CDIP1: variants seen among roughly 807,000 people sequenced by gnomAD.
The protein encoded by CDIP1 is cell death-inducing p53-target protein 1.
Under a neutral mutation model 17.7 loss-of-function variants are expected in CDIP1, and 9 were observed. The ratio of observed to expected loss-of-function variants is 0.51; its 90% confidence interval spans 0.31 to 0.89. The LOEUF (loss-of-function observed/expected upper bound fraction) is 0.89. Ranked by LOEUF, CDIP1 falls within the 40% of genes least tolerant of loss-of-function variation. CDIP1 has a pLI of 0.05. For missense variants in CDIP1, 263 were observed against 277.9 expected (o/e 0.95, Z 0.38); for synonymous variants, 117 against 109.5 (o/e 1.07, Z -0.43).
chr16:4,524,946 A>C (rs1392012186), intron 1 of CDIP1, among the ~76,000 whole-genome samples: 5 of 152,136 alleles, frequency 3.3e-5, no homozygotes, highest in Non-Finnish European at 7.4e-5. Flanking sequence ...CTACAAAAAA[A>C]TAAAATTAGC....
chr16:4,513,964 G>A lies in CDIP1; in HGVS notation c.85+82C>T. On this transcript the variant is annotated intron_variant, in intron 3 of 5. Transcript: ENST00000567695. The surrounding 1 kb of genome is among the most constrained non-coding windows in gnomAD (Gnocchi z 4.1). Reference sequence around the variant, plus strand: ...GGGGCCCAGGGGTAACCCTGGAGTGGGCATCACCACTTAGAGAGTCCCAAC... The same window carrying A: ...GGGGCCCAGGGGTAACCCTGGAGTGAGCATCACCACTTAGAGAGTCCCAAC... 1 of 1,343,028 alleles carries A rather than the reference G, an allele frequency of 7.4e-7. No individual in the cohort carries two copies. The highest frequency in any genetic ancestry group is 1.0e-6 in the Non-Finnish European group (1 of 987,858). The allele number at this position is 1,343,028 out of a possible 1,614,324, so 83.2% of individuals were successfully genotyped here. A position where few individuals can be genotyped will look rare whatever the true frequency, so the allele number is the denominator to read the frequency against.
intron 1 of CDIP1, among the ~76,000 whole-genome samples, chr16:4,529,527 G>A (rs559772775): frequency 1.3e-5 from 2 of 152,268 alleles, no homozygotes; most frequent in East Asian, 3.9e-4. Context: ...GAAATGCAGA[G>A]CAAAAGGAAA....
chr16:4,527,489 C>A (rs1226766970), intron 1 of CDIP1, among the ~76,000 whole-genome samples: 2 of 152,220 alleles, frequency 1.3e-5, no homozygotes, highest in Non-Finnish European at 2.9e-5. Context: ...ATGATGATGA[C>A]AATTACTGTG....
At chr16:4,525,300 G>A (rs985921225) in intron 1 of CDIP1, among the ~76,000 whole-genome samples, 3 of 152,186 alleles carry the variant, frequency 2.0e-5, no homozygotes, top group Non-Finnish European at 2.9e-5. Context: ...AACAGGCCCC[G>A]AGAGAAGTGC....
At chr16:4,516,728 GAC>G (rs749316873) in intron 1 of CDIP1, among the ~76,000 whole-genome samples, 24 of 96,780 alleles carry the variant, frequency 2.5e-4, no homozygotes, top group Non-Finnish European at 3.7e-4. Flanking sequence ...TTTTTTGTGA[GAC>G]AGAGTCTTGC....
At chr16:4,534,582 C>A (rs904741424) in intron 1 of CDIP1, among the ~76,000 whole-genome samples, 1 of 152,196 alleles carries the variant, frequency 6.6e-6, no homozygotes, top group East Asian at 1.9e-4. Flanking sequence ...CACTGTGCTG[C>A]TACCTCCCTG....
rs1285298203 is a variant in CDIP1, at chr16:4,513,589, G to A, written c.241+107C>T. 1 of 964,934 alleles carries A rather than the reference G, an allele frequency of 1.0e-6. No homozygotes were observed. The highest frequency in any genetic ancestry group is 1.6e-5 in the African/African-American group (1 of 60,984). 59.8% of individuals were successfully genotyped at this position (964,934 alleles called of 1,614,324 possible). On this transcript the variant is annotated intron_variant, in intron 4 of 5. Transcript: ENST00000567695. The surrounding 1 kb of genome is among the most constrained non-coding windows in gnomAD (Gnocchi z 4.1). ...AGGCAAGGGCTGGTTGGGCGTGTTG[G>A]AGTCCCTGCCCTACAGCAGATGCCC...
rs148569326 is a variant in CDIP1, at chr16:4,517,682, A to C, written c.-104-3018T>G. Among the ~76,000 whole-genome samples, 507 of 152,134 alleles carry C rather than the reference A, an allele frequency of 3.3e-3. 1 individual carries two copies. Among genetic ancestry groups the C allele is most frequent in the African/African-American group, 0.012 (485 of 41,506 alleles). ...CCTGAGCCCAAGACTCAGAGGATAC[A>C]GTGAGCCATGATCAGGCCACTGCAC... On this transcript the variant is annotated intron_variant, in intron 1 of 5. Coordinates refer to ENST00000567695, the MANE Select transcript of CDIP1 (RefSeq NM_013399.3).
At chr16:4,530,316 G>A (rs981589337) in intron 1 of CDIP1, among the ~76,000 whole-genome samples, 9 of 152,238 alleles carry the variant, frequency 5.9e-5, no homozygotes, top group African/African-American at 1.9e-4. Context: ...TTGGTTGGGT[G>A]TGAAACAAAC....
At chr16:4,526,429 G>A (rs1294572393) in intron 1 of CDIP1, among the ~76,000 whole-genome samples, 3 of 151,564 alleles carry the variant, frequency 2.0e-5, no homozygotes, top group Non-Finnish European at 2.9e-5. Context: ...AGCTGGTCAC[G>A]GTGGCTCACA....
At position 4,514,079 on chromosome 16, in the gene CDIP1, G is replaced by A. The variant is rs2058863538; in HGVS notation, c.52C>T (p.Leu18=). ...PYPGGPTAPL[L]EEKSGAPPTP... ...GGCGGGGCTCCACTTTTCTCTTCCAGAAGTGGGGCTGTGGGGCCCCCAGGA... is the reference window on the plus strand; with the variant it reads ...GGCGGGGCTCCACTTTTCTCTTCCAAAAGTGGGGCTGTGGGGCCCCCAGGA... Residue 18 remains leucine (L), a synonymous_variant, in exon 3 of 6, where the codon CTG becomes TTG. Coordinates refer to ENST00000567695, the MANE Select transcript of CDIP1 (RefSeq NM_013399.3). This position sits in a 1 kb window ranked among gnomAD's most constrained non-coding sequence, Gnocchi z 5.2. 3 of 1,536,630 alleles carry A rather than the reference G, an allele frequency of 2.0e-6. No homozygotes were observed. The South Asian group carries it at 3.8e-5, about 19-fold the overall frequency.
intron 1 of CDIP1, among the ~76,000 whole-genome samples, chr16:4,537,287 G>A (rs2037190075): frequency 6.6e-6 from 1 of 152,214 alleles, no homozygotes; most frequent in South Asian, 2.1e-4. Flanking sequence ...GGTGTTCACT[G>A]TAAAATTCCT....
intron 1 of CDIP1, among the ~76,000 whole-genome samples, chr16:4,525,462 G>C (rs1189150188): frequency 6.6e-6 from 1 of 152,134 alleles, no homozygotes; most frequent in Admixed American, 6.6e-5. Context: ...CCCAGCACAG[G>C]GACATGAAGG....
intron 1 of CDIP1, among the ~76,000 whole-genome samples, chr16:4,530,648 CAA>C (rs71139637): frequency 6.9e-5 from 10 of 144,006 alleles, no homozygotes; most frequent in Admixed American, 6.9e-5. Flanking sequence ...GACTCCATCT[CAA>C]AAAAAAAAAA....
intron 1 of CDIP1, 197 bp downstream of exon 1, chr16:4,538,505 C>G (rs921759598): frequency 1.3e-5 from 2 of 152,054 alleles, no homozygotes; most frequent in East Asian, 1.9e-4. Flanking sequence ...GGTCACCCCC[C>G]CCACCACAAC....
rs558381069 is a variant in CDIP1, at chr16:4,514,463, C to T, written c.-15+112G>A. The stretch of plus-strand genomic sequence containing the variant: ...GCCCCACACGAGAGCAGTTTGGCAC[C>T]GAGCTCTCCCCTCCCCAAACGTTTA... On this transcript the variant is annotated intron_variant, in intron 2 of 5. Coordinates refer to ENST00000567695, the MANE Select transcript of CDIP1 (RefSeq NM_013399.3). This position sits in a 1 kb window ranked among gnomAD's most constrained non-coding sequence, Gnocchi z 5.2. 5 of 311,804 alleles carry T rather than the reference C, an allele frequency of 1.6e-5. No individual in the cohort carries two copies. Among genetic ancestry groups the T allele is most frequent in the East Asian group, 5.9e-5 (1 of 17,068 alleles). 19.3% of individuals were successfully genotyped at this position (311,804 alleles called of 1,614,324 possible). A position where few individuals can be genotyped will look rare whatever the true frequency, so the allele number is the denominator to read the frequency against.
At chr16:4,521,180 GCAGGCCCCA>G (rs1437060267) in intron 1 of CDIP1, among the ~76,000 whole-genome samples, 1 of 152,062 alleles carries the variant, frequency 6.6e-6, no homozygotes, top group Admixed American at 6.6e-5. Context: ...TTGAGTCAGT[GCAGGCCCCA>G]CAGCTTGTTT....
intron 1 of CDIP1, among the ~76,000 whole-genome samples, chr16:4,526,436 C>G (rs1450631246): frequency 6.6e-6 from 1 of 151,648 alleles, no homozygotes; most frequent in African/African-American, 2.4e-5. Flanking sequence ...CACGGTGGCT[C>G]ACACCTGTAA....
Position 4,513,142 on chromosome 16 carries a change from C to G in CDIP1, c.242-78G>C. 2.2e-6 allele frequency: 3 copies of G among 1,387,634 alleles called. No individual in the cohort carries two copies. Among genetic ancestry groups the G allele is most frequent in the Non-Finnish European group, 2.9e-6 (3 of 1,043,182 alleles). 86.0% of individuals were successfully genotyped at this position (1,387,634 alleles called of 1,614,324 possible). On this transcript the variant is annotated intron_variant, in intron 4 of 5. Coordinates refer to ENST00000567695, the MANE Select transcript of CDIP1 (RefSeq NM_013399.3). This position sits in a 1 kb window ranked among gnomAD's most constrained non-coding sequence, Gnocchi z 4.1. Reference sequence around the variant, plus strand: ...CAGACAAAGAGATTGGCGCAAAGCCCCACGGTCCACAGCGCCCAGCGTGCA... The same window carrying G: ...CAGACAAAGAGATTGGCGCAAAGCCGCACGGTCCACAGCGCCCAGCGTGCA...
Sources: gnomAD v4.1 joint callset for allele counts (sites outside exome capture counted in the v4.1 genomes callset) on GRCh38, gnomAD v4.1.1 for gene constraint, Gnocchi (gnomAD v3.1) non-coding constraint, MANE v1.5 for transcripts, NCBI Gene and HGNC (gene_info 2026-07-23, HGNC 2026-07-21) for gene names.